KLF12: variants seen among roughly 807,000 people sequenced by gnomAD.
KLF12 encodes the protein KLF transcription factor 12.
KLF12 carries 9 observed loss-of-function variants against 37.8 expected under a neutral mutation model. That is an observed-to-expected ratio of 0.24 (90% CI 0.14 to 0.42). The LOEUF (loss-of-function observed/expected upper bound fraction) is 0.42. Ranked by LOEUF, KLF12 falls within the 10% of genes least tolerant of loss-of-function variation. The pLI is 1.00. For missense variants in KLF12, 411 were observed against 516.0 expected, an observed-to-expected ratio of 0.80 and a Z score of 1.97; for synonymous variants, 208 against 202.1, an observed-to-expected ratio of 1.03 and a Z score of -0.25.
the KLF12 span, among the ~76,000 whole-genome samples, chr13:74,238,124 A>G: frequency 1.5e-5 from 2 of 133,372 alleles, no homozygotes; most frequent in South Asian, 4.5e-4. Flanking sequence ...ATCAATACCT[A>G]ATTTATTGAG....
chr13:74,248,833 C>A, the KLF12 span, among the ~76,000 whole-genome samples: 2 of 151,968 alleles, frequency 1.3e-5, no homozygotes, highest in Non-Finnish European at 2.9e-5. Context: ...CACCGCAGAA[C>A]CAAAGGTGTG....
At chr13:74,064,190 A>C (rs139003033) in intron 1 of KLF12, among the ~76,000 whole-genome samples, 99 of 152,320 alleles carry the variant, frequency 6.5e-4, no homozygotes, top group Non-Finnish European at 7.3e-4. Context: ...AATGGTGATG[A>C]TGGAAAACCA....
chr13:74,135,915 AGCCACTTCAGGC>A (rs1878539896), upstream of KLF12, among the ~76,000 whole-genome samples: 1 of 152,204 alleles, frequency 6.6e-6, no homozygotes, highest in Admixed American at 6.5e-5. Flanking sequence ...GGCGGTTTCC[AGCCACTTCAGGC>A]GCGGTGTGCG....
chr13:73,968,655 C>T (rs192566365), intron 2 of KLF12, among the ~76,000 whole-genome samples: 1 of 152,296 alleles, frequency 6.6e-6, no homozygotes, highest in East Asian at 1.9e-4. Context: ...AAAGATGATG[C>T]TTTTGAAAAC....
chr13:73,794,263 C>T (rs968563021), intron 5 of KLF12, among the ~76,000 whole-genome samples: 2 of 152,206 alleles, frequency 1.3e-5, no homozygotes, highest in African/African-American at 4.8e-5. Flanking sequence ...GAGTTCGAGA[C>T]CAGCCTGGCC....
At chr13:73,720,230 A>C (rs557484266) in intron 6 of KLF12, among the ~76,000 whole-genome samples, 121 of 152,304 alleles carry the variant, frequency 7.9e-4, no homozygotes, top group Non-Finnish European at 1.5e-3. Flanking sequence ...GTTAGGTAAC[A>C]GAACAGCTGG....
intron 5 of KLF12, among the ~76,000 whole-genome samples, chr13:73,789,719 C>A (rs1243096951): frequency 1.3e-5 from 2 of 151,516 alleles, no homozygotes; most frequent in Admixed American, 1.3e-4. Context: ...CTCTGTCGCC[C>A]AGGCTGGAGT....
At chr13:73,719,884 C>A (rs1011003561) in intron 6 of KLF12, among the ~76,000 whole-genome samples, 1 of 152,150 alleles carries the variant, frequency 6.6e-6, no homozygotes, top group African/African-American at 2.4e-5. Flanking sequence ...CAGACATAAA[C>A]CACCATGCCC....
the KLF12 span, among the ~76,000 whole-genome samples, chr13:74,303,290 C>T: frequency 2.6e-5 from 4 of 152,272 alleles, no homozygotes; most frequent in Non-Finnish European, 5.9e-5. Context: ...AGAACCTTCA[C>T]TGTGGAGTTA....
At chr13:73,943,041 C>G (rs1477523304) in intron 3 of KLF12, among the ~76,000 whole-genome samples, 1 of 152,140 alleles carries the variant, frequency 6.6e-6, no homozygotes, top group East Asian at 1.9e-4. Context: ...CCCGGATGTA[C>G]TCATCCACAT....
chr13:74,265,410 T>C, the KLF12 span, among the ~76,000 whole-genome samples: 1 of 152,164 alleles, frequency 6.6e-6, no homozygotes, highest in African/African-American at 2.4e-5. Context: ...TCCTAATAAA[T>C]TTGCATAAAA....
At chr13:73,770,174 T>A (rs1196656588) in intron 5 of KLF12, among the ~76,000 whole-genome samples, 1 of 152,178 alleles carries the variant, frequency 6.6e-6, no homozygotes, top group Admixed American at 6.5e-5. Flanking sequence ...CTATGCAGAA[T>A]TATATAAAAG....
intron 1 of KLF12, among the ~76,000 whole-genome samples, chr13:74,089,218 A>C (rs968724433): frequency 2.0e-5 from 3 of 152,132 alleles, no homozygotes; most frequent in Non-Finnish European, 4.4e-5. Flanking sequence ...GAAAACTTCC[A>C]CCCGCCCCCT....
At chr13:74,225,210 C>G in the KLF12 span, among the ~76,000 whole-genome samples, 1 of 152,044 alleles carries the variant, frequency 6.6e-6, no homozygotes, top group African/African-American at 2.4e-5. Flanking sequence ...GCCTTCTCTC[C>G]CTACACCTGA....
intron 1 of KLF12, among the ~76,000 whole-genome samples, chr13:74,074,373 C>T (rs1481021952): frequency 6.6e-6 from 1 of 152,212 alleles, no homozygotes; most frequent in Non-Finnish European, 1.5e-5. Flanking sequence ...AGAGGCCAAA[C>T]AGGGTTCTAA....
chr13:74,303,504 G>T, the KLF12 span, among the ~76,000 whole-genome samples: 2 of 152,124 alleles, frequency 1.3e-5, no homozygotes. Flanking sequence ...AAATGGGTAG[G>T]GTAAAGAACT....
intron 1 of KLF12, among the ~76,000 whole-genome samples, chr13:74,104,895 C>G (rs564624854): frequency 2.0e-5 from 3 of 152,074 alleles, no homozygotes; most frequent in African/African-American, 4.8e-5. Flanking sequence ...TAGGTTCCCC[C>G]CTCCCCCGCG....
chr13:74,280,463 A>G, the KLF12 span, among the ~76,000 whole-genome samples: 4 of 152,236 alleles, frequency 2.6e-5, no homozygotes, highest in Admixed American at 6.5e-5. Flanking sequence ...TAAGCCATAT[A>G]AAAATACACA....
intron 3 of KLF12, among the ~76,000 whole-genome samples, chr13:73,867,405 CGTGTGT>C (rs35268742): frequency 2.0e-5 from 3 of 150,206 alleles, no homozygotes; most frequent in African/African-American, 7.4e-5. Flanking sequence ...TACATATATA[CGTGTGT>C]GTGTATATAT....
Sources: gnomAD v4.1 joint callset for allele counts (sites outside exome capture counted in the v4.1 genomes callset) on GRCh38, gnomAD v4.1.1 for gene constraint, MANE v1.5 for transcripts, NCBI Gene and HGNC (gene_info 2026-07-23, HGNC 2026-07-21) for gene names.